ARFGEF2: variants seen among roughly 807,000 people sequenced by gnomAD.
The protein encoded by ARFGEF2 is ARF guanine nucleotide exchange factor 2, also known as brefeldin A-inhibited guanine nucleotide-exchange protein 2.
ARFGEF2 carries 74 observed loss-of-function variants against 219.9 expected under a neutral mutation model. That is an observed-to-expected ratio of 0.34 (90% CI 0.28 to 0.41). The LOEUF (loss-of-function observed/expected upper bound fraction) is 0.41, where lower values mean the gene tolerates loss of function less well. Among genes scored for constraint, ARFGEF2 ranks in the 10% least tolerant of loss-of-function variants. ARFGEF2 has a pLI of 1.00. For synonymous variants in ARFGEF2, 733 were observed against 799.2 expected, an observed-to-expected ratio of 0.92 and a Z score of 1.40; for missense variants, 1,743 against 2,218.3, an observed-to-expected ratio of 0.79 and a Z score of 4.30.
chr20:49,022,046 T>C (rs2091567969), intron 34 of ARFGEF2, among the ~76,000 whole-genome samples: 2 of 147,888 alleles, frequency 1.4e-5, no homozygotes, highest in African/African-American at 5.1e-5. Flanking sequence ...TACCAGCTAC[T>C]TGGGAGGCTG....
At chr20:49,005,325 G>T in intron 26 of ARFGEF2, 104 bp downstream of exon 26, 1 of 1,393,508 alleles carries the variant, frequency 7.2e-7, no homozygotes, top group Non-Finnish European at 1.0e-6. Flanking sequence ...TCCCTTGTCA[G>T]TGGAAACAAA....
chr20:49,016,543 T>C, intron 31 of ARFGEF2, 128 bp downstream of exon 31: 1 of 1,072,648 alleles, frequency 9.3e-7, no homozygotes, highest in South Asian at 1.4e-5. Flanking sequence ...GTGAAATGTA[T>C]ACGTTTTAAT....
chr20:48,950,620 C>T (rs1600601757), intron 3 of ARFGEF2, among the ~76,000 whole-genome samples: 1 of 150,220 alleles, frequency 6.7e-6, no homozygotes, highest in Admixed American at 6.6e-5. Flanking sequence ...ATAGCAAGAC[C>T]CCATCTCTAC....
At chr20:48,922,084 G>T in intron 1 of ARFGEF2, 74 bp downstream of exon 1, 1 of 1,511,158 alleles carries the variant, frequency 6.6e-7, no homozygotes. Context: ...ACTCGGCCTT[G>T]GCCCGGCCTC....
At chr20:48,963,175 C>CAAAAAAAGAAAAAAAAAAAAAA (rs2091164692) in intron 6 of ARFGEF2, among the ~76,000 whole-genome samples, 1 of 110,856 alleles carries the variant, frequency 9.0e-6, no homozygotes, top group African/African-American at 4.2e-5. Context: ...AACTCTGTCT[C>CAAAAAAAGAAAAAAAAAAAAAA]AAAAAAAAAA....
chr20:49,024,823 C>G (rs2091591820), intron 35 of ARFGEF2, among the ~76,000 whole-genome samples: 1 of 152,048 alleles, frequency 6.6e-6, no homozygotes. Context: ...TGGTGAAACC[C>G]CGTCTTTACT....
intron 1 of ARFGEF2, among the ~76,000 whole-genome samples, chr20:48,934,609 G>GT (rs758643911): frequency 2.0e-5 from 3 of 152,106 alleles, no homozygotes. Context: ...GTGGTGTTTG[G>GT]TTTTCTGTTC....
chr20:48,981,441 A>G (rs1463955426), intron 14 of ARFGEF2, among the ~76,000 whole-genome samples: 4 of 152,130 alleles, frequency 2.6e-5, no homozygotes, highest in Non-Finnish European at 2.9e-5. Context: ...ACCTTGGTGA[A>G]TCTGACAATT....
In ARFGEF2 at chr20:48,990,911, A is replaced by G. The variant is rs908695517; in HGVS notation, c.2815-129A>G. On this transcript the variant is annotated intron_variant, in intron 20 of 38. Transcript: ENST00000371917. ...ATTAGCATGGAATAACTGTTGTGCT[A>G]ATGTGCAGAAAGCCAGTCAATGTGC... The G allele has an allele frequency of 6.0e-6, 6 of 1,001,792 alleles. No individual in the cohort carries two copies. In the Admixed American group the frequency reaches 8.0e-5, roughly 13 times the overall value. 62.1% of individuals were successfully genotyped at this position (1,001,792 alleles called of 1,614,324 possible).
intron 10 of ARFGEF2, among the ~76,000 whole-genome samples, chr20:48,971,757 C>G (rs1297783761): frequency 6.6e-6 from 1 of 152,074 alleles, no homozygotes; most frequent in Non-Finnish European, 1.5e-5. Context: ...AAAAATTAGC[C>G]AGGCGTGGTG....
Position 49,005,224 on chromosome 20 carries a change from A to G in ARFGEF2, c.3584+3A>G, listed in dbSNP as rs779400221. On this transcript the variant is annotated splice_donor_region_variant and intron_variant, in intron 26 of 38. Coordinates refer to ENST00000371917, the MANE Select transcript of ARFGEF2 (RefSeq NM_006420.3). ...GAGCATATTATGAAGAAAAACAGGTATGTGTTTTGCTCTGGAAGACGCTTG... is the reference window on the plus strand; with the variant it reads ...GAGCATATTATGAAGAAAAACAGGTGTGTGTTTTGCTCTGGAAGACGCTTG... The G allele has an allele frequency of 6.8e-6, 11 of 1,614,062 alleles. No homozygotes were observed. The highest frequency in any genetic ancestry group is 7.6e-6 in the Non-Finnish European group (9 of 1,180,046).
chr20:49,033,708 A>G lies in ARFGEF2; in HGVS notation c.*509A>G, dbSNP rs2123593379. ...TGTCAGTTACGAGTCAGCCGTAATT[A>G]GATTAGTTTAAGGACAGGTCAGGAT... On this transcript the variant is annotated 3_prime_UTR_variant, in exon 39 of 39. Transcript: ENST00000371917. 6.2e-6 allele frequency: 1 copy of G among 160,408 alleles called. No individual in the cohort carries two copies. Among genetic ancestry groups the G allele is most frequent in the Admixed American group, 5.9e-5 (1 of 16,982 alleles). 9.9% of individuals were successfully genotyped at this position (160,408 alleles called of 1,614,324 possible).
intron 20 of ARFGEF2, 115 bp from the exon 21 acceptor site, chr20:48,990,925 C>T: frequency 8.6e-7 from 1 of 1,164,588 alleles, no homozygotes; most frequent in Non-Finnish European, 1.3e-6. Flanking sequence ...TGCAGAAAGC[C>T]AGTCAATGTG....
chr20:49,005,211 A>G lies in ARFGEF2; in HGVS notation c.3574A>G (p.Lys1192Glu), dbSNP rs2091450214. The change falls in exon 26 of 39, where the codon AAG becomes GAG. Residue 1192 changes from lysine (K) to glutamate (E), a missense_variant. By Grantham distance (56) the Lys-to-Glu change is moderately conservative. This residue lies in a region of ARFGEF2 where 102 missense variants were observed against 146.8 expected (regional missense o/e 0.69). Coordinates refer to ENST00000371917, the MANE Select transcript of ARFGEF2 (RefSeq NM_006420.3). ...DFLRPFEHIMKKNRSPTIRDM... is the reference protein window; with the variant it reads ...DFLRPFEHIMEKNRSPTIRDM... ...TCTGAGGCCCTTTGAGCATATTATG[A>G]AGAAAAACAGGTATGTGTTTTGCTC... is the stretch of plus-strand genomic sequence containing the variant. 1 of 1,614,224 alleles carries G rather than the reference A, an allele frequency of 6.2e-7. No homozygotes were observed.
chr20:48,923,070 G>A (rs929226816), intron 1 of ARFGEF2, among the ~76,000 whole-genome samples: 2 of 152,168 alleles, frequency 1.3e-5, no homozygotes, highest in Non-Finnish European at 2.9e-5. Context: ...GGTCAGGAAA[G>A]TAATCTTTTC....
At chr20:48,956,298 G>A (rs1051092502) in intron 6 of ARFGEF2, among the ~76,000 whole-genome samples, 4 of 152,096 alleles carry the variant, frequency 2.6e-5, no homozygotes, top group African/African-American at 7.2e-5. Flanking sequence ...TAATTAACTG[G>A]GAATCCCCCC....
chr20:49,021,086 G>A (rs552069798), intron 34 of ARFGEF2, among the ~76,000 whole-genome samples: 11 of 152,116 alleles, frequency 7.2e-5, no homozygotes, highest in Non-Finnish European at 7.4e-5. Flanking sequence ...AATCTACATG[G>A]AGAATTGTTA....
Position 49,028,679 on chromosome 20 carries a change from T to A in ARFGEF2, c.5063+11T>A. 6.2e-7 allele frequency: 1 copy of A among 1,613,088 alleles called. No individual in the cohort carries two copies. Among genetic ancestry groups the A allele is most frequent in the Non-Finnish European group, 8.5e-7 (1 of 1,179,312 alleles). On this transcript the variant is annotated intron_variant, in intron 37 of 38. Coordinates refer to ENST00000371917, the MANE Select transcript of ARFGEF2 (RefSeq NM_006420.3). ...GCAGAGACTTTTAACGTAAGAAAAT[T>A]AGTTTCTGATTAGATTTCTATCTGC...
intron 14 of ARFGEF2, among the ~76,000 whole-genome samples, chr20:48,978,627 G>A (rs1006776909): frequency 2.0e-5 from 3 of 152,146 alleles, no homozygotes; most frequent in Admixed American, 6.5e-5. Context: ...CCATTTGTTT[G>A]TGTCCTCTGT....
Sources: gnomAD v4.1 joint callset for allele counts (sites outside exome capture counted in the v4.1 genomes callset) on GRCh38, gnomAD v4.1.1 for gene constraint, gnomAD v4.1.1 regional missense constraint, MANE v1.5 for transcripts, NCBI Gene and HGNC (gene_info 2026-07-23, HGNC 2026-07-21) for gene names.